RBM20: variants seen among roughly 807,000 people sequenced by gnomAD.
RBM20 encodes the protein RNA binding motif protein 20.
In RBM20, 51 loss-of-function variants were observed where a neutral mutation model predicts 110.1. That is an observed-to-expected ratio of 0.46 (90% CI 0.37 to 0.59). The LOEUF is 0.59. RBM20 is among the 20% of genes least tolerant of loss of function. RBM20 has a pLI of 0.00. For synonymous variants in RBM20, 589 were observed against 618.2 expected (o/e 0.95, Z 0.70); for missense variants, 1,512 against 1,574.9 (o/e 0.96, Z 0.68).
chr10:110,650,067 T>A (rs937180420), intron 1 of RBM20, among the ~76,000 whole-genome samples: 3 of 152,208 alleles, frequency 2.0e-5, no homozygotes, highest in Admixed American at 1.3e-4. Context: ...TAAAGAGCTG[T>A]ACAAGATTTT....
rs1461010978 is a variant in RBM20, at chr10:110,838,940, A to G, written c.*2962A>G. On this transcript the variant is annotated 3_prime_UTR_variant, in exon 14 of 14. Coordinates refer to ENST00000369519, the MANE Select transcript of RBM20 (RefSeq NM_001134363.3). ...TTTATTTCTATGTGTGCCACACACA[A>G]TGCAGTATTAATGGCAACCAGGTAA... 2.0e-5 allele frequency: 3 copies of G among 152,360 alleles called. No individual in the cohort carries two copies. The East Asian group carries it at 5.8e-4, about 29-fold the overall frequency. The allele number at this position is 152,360 out of a possible 1,614,324, so 9.4% of individuals were successfully genotyped here. A position where few individuals can be genotyped will look rare whatever the true frequency, so the allele number is the denominator to read the frequency against.
In RBM20 at chr10:110,644,750, C is replaced by G. The variant is rs1004454937; in HGVS notation, c.191+105C>G. The stretch of plus-strand genomic sequence containing the variant: ...CGTCCCTGCTGAACTTCGCTCGCCC[C>G]CCTTGGGTTTGAAGTTTTCTCGTAC... On this transcript the variant is annotated intron_variant, in intron 1 of 13. Coordinates refer to ENST00000369519, the MANE Select transcript of RBM20 (RefSeq NM_001134363.3). The surrounding 1 kb of genome is among the most constrained non-coding windows in gnomAD (Gnocchi z 4.3). 14 of 899,764 alleles carry G rather than the reference C, an allele frequency of 1.6e-5. No individual in the cohort carries two copies. Among genetic ancestry groups the G allele is most frequent in the African/African-American group, 7.1e-5 (4 of 56,484 alleles). The allele number at this position is 899,764 out of a possible 1,614,324, so 55.7% of individuals were successfully genotyped here. A position where few individuals can be genotyped will look rare whatever the true frequency, so the allele number is the denominator to read the frequency against.
chr10:110,674,860 T>A (rs1862315324), intron 1 of RBM20, among the ~76,000 whole-genome samples: 1 of 152,226 alleles, frequency 6.6e-6, no homozygotes, highest in East Asian at 1.9e-4. Context: ...TGATTGTGTG[T>A]CTGTGTGTGT....
At chr10:110,713,164 G>A (rs1364322809) in intron 1 of RBM20, among the ~76,000 whole-genome samples, 2 of 152,202 alleles carry the variant, frequency 1.3e-5, no homozygotes, top group East Asian at 1.9e-4. Flanking sequence ...GACTAACGGG[G>A]CAGATGCAGA....
chr10:110,710,333 C>A (rs1862905682), intron 1 of RBM20, among the ~76,000 whole-genome samples: 1 of 152,206 alleles, frequency 6.6e-6, no homozygotes, highest in African/African-American at 2.4e-5. Flanking sequence ...AATAATCAGA[C>A]ACTTCTGTAG....
intron 8 of RBM20, among the ~76,000 whole-genome samples, chr10:110,811,546 T>C (rs1297306268): frequency 1.3e-5 from 2 of 152,062 alleles, no homozygotes; most frequent in Admixed American, 1.3e-4. Flanking sequence ...TGCGGCAGAG[T>C]GGAGGGGGGT....
chr10:110,727,143 C>CTTTTTTTTT (rs57606079), intron 1 of RBM20, among the ~76,000 whole-genome samples: 1 of 80,660 alleles, frequency 1.2e-5, no homozygotes, highest in African/African-American at 5.3e-5. Context: ...TGCACCCAGC[C>CTTTTTTTTT]TTTTTTTTTT....
Position 110,783,397 on chromosome 10 carries a change from A to G in RBM20, c.1307A>G (p.His436Arg). ...DWELHVKGKL[H>R]AQKCLVFSEN... ...GAGCTGCATGTGAAAGGGAAGCTGC[A>G]CGCTCAGAAATGCCTGGTCTTCTCT... Residue 436 changes from histidine (H) to arginine (R), a missense_variant, in exon 3 of 14, where the codon CAC (histidine) becomes CGC (arginine). By Grantham distance (29) the His-to-Arg change is conservative (BLOSUM62 0). Around this residue, in one of 3 missense-constraint regions of RBM20, gnomAD observed 1,149 missense variants for 1,169.4 expected, o/e 0.98. Coordinates refer to ENST00000369519, the MANE Select transcript of RBM20 (RefSeq NM_001134363.3). 6.4e-7 allele frequency: 1 copy of G among 1,551,564 alleles called. No homozygotes were observed. The highest frequency in any genetic ancestry group is 8.7e-7 in the Non-Finnish European group (1 of 1,146,842).
intron 13 of RBM20, chr10:110,835,075 C>CGTG (rs573210761): frequency 1.3e-5 from 2 of 152,326 alleles, no homozygotes; most frequent in African/African-American, 4.8e-5. Flanking sequence ...AATGTCAGGC[C>CGTG]GTGGTGCTGT....
chr10:110,824,035 G>A (rs571158125), intron 12 of RBM20, among the ~76,000 whole-genome samples: 48 of 152,008 alleles, frequency 3.2e-4, no homozygotes, highest in African/African-American at 1.1e-3. Context: ...CCGGCCTATC[G>A]TTATTTTAAG....
chr10:110,740,745 A>C (rs1843716613), intron 1 of RBM20, among the ~76,000 whole-genome samples: 1 of 152,190 alleles, frequency 6.6e-6, no homozygotes, highest in African/African-American at 2.4e-5. Flanking sequence ...GGATGGCAGC[A>C]GATATAACAT....
chr10:110,804,865 G>A (rs1358637122), intron 7 of RBM20, among the ~76,000 whole-genome samples: 1 of 152,140 alleles, frequency 6.6e-6, no homozygotes, highest in Non-Finnish European at 1.5e-5. Context: ...ATTTTTTGTG[G>A]GGGGAGTCCT....
intron 1 of RBM20, chr10:110,756,649 T>C (rs1488330216): frequency 6.6e-6 from 1 of 152,246 alleles, no homozygotes; most frequent in Non-Finnish European, 1.5e-5. Flanking sequence ...AGGGAGGTGA[T>C]TGTGCTTCTC....
chr10:110,744,097 T>C (rs1843751122), intron 1 of RBM20, among the ~76,000 whole-genome samples: 1 of 152,224 alleles, frequency 6.6e-6, no homozygotes, highest in African/African-American at 2.4e-5. Context: ...CCTCAGCTCT[T>C]CCACTTGCTG....
chr10:110,650,121 A>G (rs1861925282), intron 1 of RBM20, among the ~76,000 whole-genome samples: 1 of 152,212 alleles, frequency 6.6e-6, no homozygotes, highest in Non-Finnish European at 1.5e-5. Context: ...AGAAGTTATC[A>G]CTGCCAGCTG....
At chr10:110,815,097 C>T (rs1423314404) in intron 9 of RBM20, among the ~76,000 whole-genome samples, 1 of 152,148 alleles carries the variant, frequency 6.6e-6, no homozygotes, top group African/African-American at 2.4e-5. Context: ...TAAAAGTGGC[C>T]CCTTCCACAG....
At chr10:110,741,556 C>T (rs1460347316) in intron 1 of RBM20, among the ~76,000 whole-genome samples, 1 of 152,188 alleles carries the variant, frequency 6.6e-6, no homozygotes, top group African/African-American at 2.4e-5. Flanking sequence ...ACCCCATGTC[C>T]ACTCACCAAG....
intron 1 of RBM20, among the ~76,000 whole-genome samples, chr10:110,690,460 C>G (rs1016434026): frequency 6.6e-6 from 1 of 152,098 alleles, no homozygotes; most frequent in Non-Finnish European, 1.5e-5. Context: ...AATAGGTTCA[C>G]AAAGTTGTTT....
chr10:110,743,589 A>C (rs535608823), intron 1 of RBM20, among the ~76,000 whole-genome samples: 1 of 152,074 alleles, frequency 6.6e-6, no homozygotes, highest in East Asian at 1.9e-4. Context: ...ACATGCATGC[A>C]TGCATGCAAT....
Sources: allele counts gnomAD v4.1 joint callset (sites outside exome capture counted in the v4.1 genomes callset), GRCh38; gene constraint gnomAD v4.1.1; regional missense constraint gnomAD v4.1.1; non-coding constraint Gnocchi (gnomAD v3.1); transcripts MANE v1.5; gene names NCBI Gene and HGNC (gene_info 2026-07-23, HGNC 2026-07-21).